Variants in SORCS3 observed in about 807,000 individuals in gnomAD.
SORCS3 encodes sortilin related VPS10 domain containing receptor 3, also known as VPS10 domain-containing receptor SorCS3.
In SORCS3, 57 loss-of-function variants were observed where a neutral mutation model predicts 146.3. The ratio of observed to expected loss-of-function variants is 0.39; its 90% confidence interval spans 0.31 to 0.49. SORCS3 has a LOEUF of 0.49. Among genes scored for constraint, SORCS3 ranks in the 20% least tolerant of loss-of-function variants. The pLI, the probability that SORCS3 is intolerant of heterozygous loss-of-function variation, is 0.92. For synonymous variants in SORCS3, 653 were observed against 618.5 expected, an observed-to-expected ratio of 1.06 and a Z score of -0.83; for missense variants, 1,341 against 1,575.5, an observed-to-expected ratio of 0.85 and a Z score of 2.52.
At chr10:104,852,757 G>T (rs1477230269) in intron 2 of SORCS3, among the ~76,000 whole-genome samples, 1 of 152,096 alleles carries the variant, frequency 6.6e-6, no homozygotes, top group Non-Finnish European at 1.5e-5. Context: ...ATCCATAGTT[G>T]CTCCCTCCTC....
intron 4 of SORCS3, among the ~76,000 whole-genome samples, chr10:104,981,885 C>T (rs1405317944): frequency 6.6e-6 from 1 of 152,122 alleles, no homozygotes; most frequent in Non-Finnish European, 1.5e-5. Context: ...TTAACAGATA[C>T]AGCTGGGTTT....
chr10:105,018,901 A>T (rs1286573714), intron 4 of SORCS3, among the ~76,000 whole-genome samples: 1 of 151,880 alleles, frequency 6.6e-6, no homozygotes, highest in Non-Finnish European at 1.5e-5. Context: ...CTCCAATCTG[A>T]TTTTTTTTCC....
At chr10:105,157,625 T>G (rs972182034) in intron 10 of SORCS3, among the ~76,000 whole-genome samples, 1 of 152,142 alleles carries the variant, frequency 6.6e-6, no homozygotes, top group African/African-American at 2.4e-5. Flanking sequence ...ATGCATTGTG[T>G]TTTGGTAAAT....
intron 3 of SORCS3, among the ~76,000 whole-genome samples, chr10:104,934,843 A>G (rs1430110729): frequency 6.6e-6 from 1 of 152,224 alleles, no homozygotes; most frequent in Admixed American, 6.5e-5. Flanking sequence ...TATCTGTGAA[A>G]ACAGTCAAGG....
chr10:104,998,549 A>AT (rs1457724420), intron 4 of SORCS3, among the ~76,000 whole-genome samples: 5 of 152,064 alleles, frequency 3.3e-5, no homozygotes, highest in Admixed American at 6.6e-5. Flanking sequence ...CAGGGCAGTT[A>AT]TTTTTTTGTA....
intron 1 of SORCS3, among the ~76,000 whole-genome samples, chr10:104,808,442 C>A (rs969592874): frequency 2.6e-5 from 4 of 152,120 alleles, no homozygotes; most frequent in African/African-American, 7.2e-5. Context: ...ATGGCTGACT[C>A]TAAATGGGGG....
chr10:104,683,832 T>A (rs2016010029), intron 1 of SORCS3, among the ~76,000 whole-genome samples: 1 of 152,154 alleles, frequency 6.6e-6, no homozygotes, highest in African/African-American at 2.4e-5. Context: ...CTGCTGCATG[T>A]GTTTGGTAAG....
intron 7 of SORCS3, among the ~76,000 whole-genome samples, chr10:105,117,049 A>G (rs1261967198): frequency 6.6e-6 from 1 of 152,152 alleles, no homozygotes; most frequent in African/African-American, 2.4e-5. Context: ...AAGTTAAAAA[A>G]AAAAACAAAA....
intron 2 of SORCS3, among the ~76,000 whole-genome samples, chr10:104,847,127 A>G (rs1364874748): frequency 6.6e-6 from 1 of 152,084 alleles, no homozygotes; most frequent in Non-Finnish European, 1.5e-5. Context: ...TTGGTGCCAT[A>G]TTTATGCCCT....
intron 5 of SORCS3, among the ~76,000 whole-genome samples, chr10:105,060,059 G>T (rs1228855585): frequency 5.3e-5 from 8 of 152,210 alleles, no homozygotes; most frequent in Non-Finnish European, 1.2e-4. Context: ...ACAAAGGATT[G>T]TTAGGTACCA....
At chr10:104,734,282 A>G (rs1167004364) in intron 1 of SORCS3, among the ~76,000 whole-genome samples, 1 of 152,188 alleles carries the variant, frequency 6.6e-6, no homozygotes, top group African/African-American at 2.4e-5. Flanking sequence ...AGTCCCGCAC[A>G]TGTTAGTATG....
chr10:104,743,651 A>G (rs2016875601), intron 1 of SORCS3, among the ~76,000 whole-genome samples: 2 of 152,112 alleles, frequency 1.3e-5, no homozygotes, highest in South Asian at 2.1e-4. Context: ...GTTCCCTTCT[A>G]TTAGTGGGTG....
intron 6 of SORCS3, among the ~76,000 whole-genome samples, chr10:105,093,949 T>C (rs1006365007): frequency 2.0e-5 from 3 of 152,214 alleles, no homozygotes; most frequent in Non-Finnish European, 4.4e-5. Flanking sequence ...TCTGTAGAGA[T>C]TTATTAATAA....
chr10:105,210,733 G>A (rs2056628546), intron 16 of SORCS3, among the ~76,000 whole-genome samples: 3 of 152,168 alleles, frequency 2.0e-5, no homozygotes, highest in African/African-American at 7.2e-5. Context: ...GAATGGACAT[G>A]TATATACTTG....
intron 3 of SORCS3, among the ~76,000 whole-genome samples, chr10:104,925,803 T>G (rs2019139024): frequency 6.6e-6 from 1 of 152,234 alleles, no homozygotes; most frequent in South Asian, 2.1e-4. Context: ...GGAGATGCTG[T>G]ATCAGTTACT....
At chr10:104,729,629 C>G (rs1031993193) in intron 1 of SORCS3, among the ~76,000 whole-genome samples, 1 of 152,156 alleles carries the variant, frequency 6.6e-6, no homozygotes, top group Non-Finnish European at 1.5e-5. Flanking sequence ...AAAAGTAAAA[C>G]AACTGCACAA....
At chr10:104,725,473 T>C (rs969875208) in intron 1 of SORCS3, among the ~76,000 whole-genome samples, 5 of 152,220 alleles carry the variant, frequency 3.3e-5, no homozygotes, top group African/African-American at 1.2e-4. Context: ...TCCAGCTGCA[T>C]GCTGGGAGTA....
Position 104,889,813 on chromosome 10 carries a change from T to A in SORCS3, c.696-26020T>A, listed in dbSNP as rs568500295. ...CATTTCTGGTGCTCTTTGTTTTGCG[T>A]AGATACATATTTCCATCTGGTATCA... is the stretch of plus-strand genomic sequence containing the variant. On this transcript the variant is annotated intron_variant, in intron 2 of 26. Coordinates refer to ENST00000369701, the MANE Select transcript of SORCS3 (RefSeq NM_014978.3). 3.9e-5 allele frequency among the ~76,000 whole-genome samples: 6 copies of A among 152,336 alleles called. No individual in the cohort carries two copies. The East Asian group carries it at 1.2e-3, about 29-fold the overall frequency.
At chr10:104,779,678 C>A (rs930189639) in intron 1 of SORCS3, among the ~76,000 whole-genome samples, 1 of 152,152 alleles carries the variant, frequency 6.6e-6, no homozygotes, top group Admixed American at 6.5e-5. Context: ...GTTGATCCTG[C>A]ACCTGGTCTC....
Sources: gnomAD v4.1 joint callset for allele counts (sites outside exome capture counted in the v4.1 genomes callset) on GRCh38, gnomAD v4.1.1 for gene constraint, MANE v1.5 for transcripts, NCBI Gene and HGNC (gene_info 2026-07-23, HGNC 2026-07-21) for gene names.